PSMD14: variants seen among roughly 807,000 people sequenced by gnomAD.
The protein encoded by PSMD14 is proteasome 26S subunit, non-ATPase 14, also known as ubiquitin C-terminal hydrolase PSMD14.
Under a neutral mutation model 41.2 loss-of-function variants are expected in PSMD14, and 7 were observed. The ratio of observed to expected loss-of-function variants is 0.17; its 90% confidence interval spans 0.10 to 0.32. PSMD14 has a LOEUF of 0.32. PSMD14 is among the 10% of genes least tolerant of loss of function. The pLI is 1.00. For synonymous variants in PSMD14, 114 were observed against 122.3 expected (o/e 0.93, Z 0.45); for missense variants, 139 against 375.6 (o/e 0.37, Z 5.21).
intron 8 of PSMD14, among the ~76,000 whole-genome samples, chr2:161,386,202 A>G (rs1360560097): frequency 2.6e-5 from 4 of 151,854 alleles, no homozygotes; most frequent in Non-Finnish European, 5.9e-5. Context: ...GTGTTTTTAT[A>G]CAAATCTTTA....
At chr2:161,364,851 G>A (rs941423099) in intron 3 of PSMD14, among the ~76,000 whole-genome samples, 1 of 152,046 alleles carries the variant, frequency 6.6e-6, no homozygotes, top group Non-Finnish European at 1.5e-5. Flanking sequence ...CGCCTGTAAT[G>A]CTAGCACTTT....
chr2:161,319,149 GA>G (rs896149628), intron 3 of PSMD14: 16 of 285,216 alleles, frequency 5.6e-5, no homozygotes, highest in South Asian at 1.1e-4. Context: ...TGGCTTTTAG[GA>G]AAAAAAAACC....
chr2:161,322,614 T>C (rs557898040), intron 3 of PSMD14, among the ~76,000 whole-genome samples: 5 of 152,258 alleles, frequency 3.3e-5, no homozygotes, highest in Admixed American at 2.0e-4. Context: ...GGTCTTGAAC[T>C]CCTGACCTCA....
At chr2:161,409,654 C>G (rs1683998706) in intron 11 of PSMD14, 1 of 151,994 alleles carries the variant, frequency 6.6e-6, no homozygotes. Context: ...CTAAGAATCA[C>G]CCAGCTGCCA....
chr2:161,348,306 T>C (rs753814022), intron 3 of PSMD14, among the ~76,000 whole-genome samples: 2 of 152,214 alleles, frequency 1.3e-5, no homozygotes, highest in African/African-American at 4.8e-5. Flanking sequence ...CCATATGATA[T>C]CTGTCACAAC....
At chr2:161,405,177 C>T (rs1031307421) in intron 10 of PSMD14, among the ~76,000 whole-genome samples, 2 of 152,134 alleles carry the variant, frequency 1.3e-5, no homozygotes, top group Admixed American at 6.6e-5. Context: ...CTCTCTTGCT[C>T]TTCTTCCACA....
chr2:161,356,046 A>ATG (rs201840445), intron 3 of PSMD14, among the ~76,000 whole-genome samples: 25,621 of 66,826 alleles, frequency 0.38, 2,725 homozygotes, highest in East Asian at 0.58. Flanking sequence ...CAGCCAAAGG[A>ATG]TTTTTTTTTG....
At chr2:161,367,403 T>A in intron 3 of PSMD14, 75 bp from the exon 4 acceptor site, 2 of 1,190,666 alleles carry the variant, frequency 1.7e-6, no homozygotes, top group Non-Finnish European at 2.4e-6. Flanking sequence ...ATCAAGTTTA[T>A]ACCACATGTA....
chr2:161,356,523 A>T (rs1049826786), intron 3 of PSMD14, among the ~76,000 whole-genome samples: 1 of 152,084 alleles, frequency 6.6e-6, no homozygotes. Flanking sequence ...GTTGAGGGTT[A>T]TATTAGATAC....
intron 3 of PSMD14, among the ~76,000 whole-genome samples, chr2:161,359,501 T>G (rs1407987535): frequency 6.7e-6 from 1 of 148,432 alleles, no homozygotes; most frequent in East Asian, 1.9e-4. Context: ...AGGCAAAGAT[T>G]TTTTTTTTAA....
chr2:161,389,901 T>TTTTTTTTG lies in PSMD14; in HGVS notation c.571-1196_571-1195insGTTTTTTT, dbSNP rs1683689050. Among the ~76,000 whole-genome samples the TTTTTTTTG allele has an allele frequency of 1.8e-5, 2 of 113,340 alleles. 1 individual carries two copies. The highest frequency in any genetic ancestry group is 1.9e-4 in the Admixed American group (2 of 10,686). The allele number at this position is 113,340 out of a possible 152,430, so 74.4% of individuals were successfully genotyped here. A position where few individuals can be genotyped will look rare whatever the true frequency, so the allele number is the denominator to read the frequency against. On this transcript the variant is annotated intron_variant, in intron 8 of 11. Transcript: ENST00000409682. Reference sequence around the variant, plus strand: ...TTTCTTTTTTGTTGTTTTTTTTTTTTTTTTTTTTTTTAGAGATGGGGTATT... The same window carrying TTTTTTTTG: ...TTTCTTTTTTGTTGTTTTTTTTTTTTTTTTTTTGTTTTTTTTTTTAGAGATGGGGTATT...
chr2:161,350,845 C>T (rs1683107836), intron 3 of PSMD14, among the ~76,000 whole-genome samples: 2 of 151,546 alleles, frequency 1.3e-5, no homozygotes, highest in South Asian at 4.2e-4. Context: ...CTGCCTAAGG[C>T]AAAACCTGCA....
intron 3 of PSMD14, among the ~76,000 whole-genome samples, chr2:161,334,608 G>A (rs1682840202): frequency 6.6e-6 from 1 of 152,250 alleles, no homozygotes. Flanking sequence ...CCTCTGTAGA[G>A]CATTAAAGGA....
chr2:161,345,094 TACTC>T (rs1371037881), intron 3 of PSMD14, among the ~76,000 whole-genome samples: 1 of 152,200 alleles, frequency 6.6e-6, no homozygotes, highest in African/African-American at 2.4e-5. Flanking sequence ...TGGATGTAGA[TACTC>T]AGTTGTCTCA....
At chr2:161,337,479 G>C (rs947118001) in intron 3 of PSMD14, among the ~76,000 whole-genome samples, 8 of 152,170 alleles carry the variant, frequency 5.3e-5, no homozygotes, top group Non-Finnish European at 7.4e-5. Flanking sequence ...ATGGGTCATA[G>C]CTTTAAGTGG....
chr2:161,408,782 A>C, intron 10 of PSMD14, 55 bp from the exon 11 acceptor site: 2 of 1,340,948 alleles, frequency 1.5e-6, no homozygotes, highest in Non-Finnish European at 2.1e-6. Flanking sequence ...ATTATCCTGC[A>C]GTGGGAATAG....
chr2:161,312,409 G>T (rs1434720955), intron 1 of PSMD14, among the ~76,000 whole-genome samples: 2 of 152,304 alleles, frequency 1.3e-5, no homozygotes, highest in East Asian at 3.9e-4. Flanking sequence ...CTCCCAGAGT[G>T]CTGGGATTAC....
At chr2:161,321,779 A>G (rs1682611929) in intron 3 of PSMD14, among the ~76,000 whole-genome samples, 1 of 152,196 alleles carries the variant, frequency 6.6e-6, no homozygotes. Context: ...TGAAATGAAG[A>G]CACACAGGAT....
intron 1 of PSMD14, among the ~76,000 whole-genome samples, chr2:161,311,801 G>A (rs1248610157): frequency 6.6e-6 from 1 of 151,796 alleles, no homozygotes; most frequent in Non-Finnish European, 1.5e-5. Context: ...TTTTAGTAGA[G>A]ACCAGGTTTC....
Sources: gnomAD v4.1 joint callset for allele counts (sites outside exome capture counted in the v4.1 genomes callset) on GRCh38, gnomAD v4.1.1 for gene constraint, MANE v1.5 for transcripts, NCBI Gene and HGNC (gene_info 2026-07-23, HGNC 2026-07-21) for gene names.